Variants in HMCN1 observed in about 807,000 individuals in gnomAD.
HMCN1 encodes the protein hemicentin 1.
Under a neutral mutation model 625.9 loss-of-function variants are expected in HMCN1, and 321 were observed. That is an observed-to-expected ratio of 0.51 (90% CI 0.47 to 0.56). HMCN1 has a LOEUF of 0.56. Ranked by LOEUF, HMCN1 falls within the 20% of genes least tolerant of loss-of-function variation. The pLI is 0.00. For synonymous variants in HMCN1, 2,425 were observed against 2,417.6 expected, an observed-to-expected ratio of 1.00 and a Z score of -0.09; for missense variants, 6,588 against 6,887.3, an observed-to-expected ratio of 0.96 and a Z score of 1.54.
chr1:186,125,831 G>A (rs761511355), intron 82 of HMCN1, 37 bp downstream of exon 82: 1 of 1,515,400 alleles, frequency 6.6e-7, no homozygotes, highest in South Asian at 1.1e-5. Flanking sequence ...CATTAAGCCA[G>A]ATTGTAAATT....
At chr1:186,107,091 T>TC in intron 70 of HMCN1, 126 bp downstream of exon 70, 1 of 725,714 alleles carries the variant, frequency 1.4e-6, no homozygotes, top group Non-Finnish European at 2.5e-6. Context: ...CAAATCTGAA[T>TC]CTTTTTTTTT....
At chr1:185,947,055 G>A (rs1668384608) in intron 11 of HMCN1, among the ~76,000 whole-genome samples, 1 of 151,970 alleles carries the variant, frequency 6.6e-6, no homozygotes, top group East Asian at 1.9e-4. Context: ...ATTCTTTTTT[G>A]TTGGCAGGGG....
intron 69 of HMCN1, 68 bp from the exon 70 acceptor site, chr1:186,106,816 T>A: frequency 9.0e-7 from 1 of 1,105,386 alleles, no homozygotes; most frequent in Non-Finnish European, 1.4e-6. Flanking sequence ...TTCATTCTAG[T>A]GGATATTTAT....
chr1:186,082,852 A>T lies in HMCN1; in HGVS notation c.8788-13A>T. Reference sequence around the variant, plus strand: ...TCAAAATTTTATTTGGAATTTCTTCATTTTTCCCTTAGATTCTGAATACTC... The same window carrying T: ...TCAAAATTTTATTTGGAATTTCTTCTTTTTTCCCTTAGATTCTGAATACTC... On this transcript the variant is annotated splice_polypyrimidine_tract_variant and intron_variant, in intron 56 of 106. Transcript: ENST00000271588. 1 of 1,517,258 alleles carries T rather than the reference A, an allele frequency of 6.6e-7. No individual in the cohort carries two copies. Among genetic ancestry groups the T allele is most frequent in the Middle Eastern group, 1.7e-4 (1 of 5,758 alleles). The allele number at this position is 1,517,258 out of a possible 1,614,324, so 94.0% of individuals were successfully genotyped here. A position where few individuals can be genotyped will look rare whatever the true frequency, so the allele number is the denominator to read the frequency against.
At chr1:186,017,154 C>T (rs570361388) in intron 33 of HMCN1, 83 bp downstream of exon 33, 143 of 782,210 alleles carry the variant, frequency 1.8e-4, no homozygotes, top group Non-Finnish European at 9.4e-5. Context: ...TGTTCTGTAT[C>T]ATTAAAAAGG....
intron 104 of HMCN1, among the ~76,000 whole-genome samples, chr1:186,180,881 A>C (rs1571474627): frequency 1.9e-5 from 2 of 104,514 alleles, no homozygotes; most frequent in South Asian, 5.8e-4. Flanking sequence ...GGTATTACAC[A>C]ACAAGACCAA....
intron 1 of HMCN1, among the ~76,000 whole-genome samples, chr1:185,786,600 C>T (rs1657585504): frequency 6.6e-6 from 1 of 152,192 alleles, no homozygotes; most frequent in Non-Finnish European, 1.5e-5. Context: ...GATCACTGTG[C>T]AAACCTTTAC....
At chr1:186,137,234 G>A (rs867247603) in intron 87 of HMCN1, among the ~76,000 whole-genome samples, 1 of 152,152 alleles carries the variant, frequency 6.6e-6, no homozygotes, top group African/African-American at 2.4e-5. Flanking sequence ...TGTCCAAAAG[G>A]TGAACAGTTT....
At chr1:186,073,868 G>A (rs1290314477) in intron 52 of HMCN1, among the ~76,000 whole-genome samples, 1 of 152,024 alleles carries the variant, frequency 6.6e-6, no homozygotes, top group Non-Finnish European at 1.5e-5. Flanking sequence ...GCTTGAAACT[G>A]AGATTATGAA....
intron 48 of HMCN1, among the ~76,000 whole-genome samples, chr1:186,065,005 A>G (rs1461793859): frequency 6.6e-6 from 1 of 152,116 alleles, no homozygotes; most frequent in Non-Finnish European, 1.5e-5. Flanking sequence ...TTATAGATGA[A>G]CACTAACCTA....
Position 186,128,164 on chromosome 1 carries a change from C to T in HMCN1, c.12777C>T (p.Leu4259=), listed in dbSNP as rs758029050. ...THTVSLTVHV[L]PTFTELPGDV... ...CTGTCAGCCTGACTGTGCATGTTCT[C>T]CCCACTTTTACTGAACTTCCTGGAG... is the stretch of plus-strand genomic sequence containing the variant. Residue 4259 remains leucine, a synonymous_variant, in exon 83 of 107, where the codon CTC becomes CTT. Transcript: ENST00000271588. 6.2e-7 allele frequency: 1 copy of T among 1,613,648 alleles called. No individual in the cohort carries two copies. The highest frequency in any genetic ancestry group is 1.7e-5 in the Admixed American group (1 of 59,948).
Position 186,182,269 on chromosome 1 carries a change from A to C in HMCN1, c.16396A>C (p.Asn5466His), listed in dbSNP as rs1030157712. ...CCCACCTGGCTATCAACTCACACAC[A>C]ATGGAAAGACATGCCAAGGTGAGAA... ...ICPPGYQLTH[N>H]GKTCQDIDEC... is the part of the protein sequence containing the mutation. The change falls in exon 105 of 107, where the codon AAT becomes CAT. Residue 5466 changes from asparagine to histidine, a missense_variant. Transcript: ENST00000271588. 3.1e-6 allele frequency: 5 copies of C among 1,613,388 alleles called. No homozygotes were observed. Among genetic ancestry groups the C allele is most frequent in the Non-Finnish European group, 2.5e-6 (3 of 1,179,520 alleles).
intron 18 of HMCN1, among the ~76,000 whole-genome samples, chr1:185,982,983 C>A (rs1651755578): frequency 6.6e-6 from 1 of 151,856 alleles, no homozygotes; most frequent in South Asian, 2.1e-4. Context: ...AGAACTGAAG[C>A]AAATATTGTT....
intron 2 of HMCN1, among the ~76,000 whole-genome samples, chr1:185,861,582 T>G (rs1662871033): frequency 6.6e-6 from 1 of 152,190 alleles, no homozygotes; most frequent in Non-Finnish European, 1.5e-5. Context: ...CAAAATTGGC[T>G]GCAAGTAAAG....
Position 186,081,111 on chromosome 1 carries a change from A to G in HMCN1, c.8600-96A>G, listed in dbSNP as rs138091229. 1.6e-4 allele frequency: 158 copies of G among 1,013,376 alleles called. No homozygotes were observed. In the African/African-American group the frequency reaches 2.0e-3, roughly 13 times the overall value. 62.8% of individuals were successfully genotyped at this position (1,013,376 alleles called of 1,614,324 possible). On this transcript the variant is annotated intron_variant, in intron 55 of 106. Transcript: ENST00000271588. ...TTTCTCCTTCAAGTTTTGCTTCTCT[A>G]TTATTATCCCAAAGTTTTTAAAGCT...
intron 1 of HMCN1, among the ~76,000 whole-genome samples, chr1:185,813,871 C>A (rs970079899): frequency 6.6e-6 from 1 of 151,984 alleles, no homozygotes; most frequent in Non-Finnish European, 1.5e-5. Context: ...GAAACTGGAA[C>A]AGAAGTAACT....
At chr1:186,161,612 C>G (rs1291655156) in intron 97 of HMCN1, among the ~76,000 whole-genome samples, 5 of 151,944 alleles carry the variant, frequency 3.3e-5, no homozygotes, top group African/African-American at 1.2e-4. Flanking sequence ...TTAGGGCAGG[C>G]CTGGTGGTGA....
Position 186,145,406 on chromosome 1 carries a change from A to G in HMCN1, c.14270A>G (p.His4757Arg), listed in dbSNP as rs572395107. ...DFCNSDPCPT[H>R]GNWSPWSGWG... ...CTCAGATTATTCTGTCTTGTAGCCCATGGTAACTGGAGTCCTTGGAGTGGC... is the reference window on the plus strand; with the variant it reads ...CTCAGATTATTCTGTCTTGTAGCCCGTGGTAACTGGAGTCCTTGGAGTGGC... The change falls in exon 92 of 107, where the codon CAT becomes CGT. Residue 4757 changes from histidine to arginine, a missense_variant. Physicochemically the swap from His to Arg is conservative, Grantham distance 29 (BLOSUM62 0). Transcript: ENST00000271588. The G allele has an allele frequency of 1.9e-6, 3 of 1,573,068 alleles. No individual in the cohort carries two copies. The highest frequency in any genetic ancestry group is 4.5e-5 in the East Asian group (2 of 44,466).
At chr1:185,961,887 G>A (rs1329384294) in intron 11 of HMCN1, among the ~76,000 whole-genome samples, 1 of 152,090 alleles carries the variant, frequency 6.6e-6, no homozygotes. Context: ...CTTGGGAGGG[G>A]CAGGCAGACA....
Sources: gnomAD v4.1 joint callset for allele counts (sites outside exome capture counted in the v4.1 genomes callset) on GRCh38, gnomAD v4.1.1 for gene constraint, MANE v1.5 for transcripts, NCBI Gene and HGNC (gene_info 2026-07-23, HGNC 2026-07-21) for gene names.